PTK2: variants seen among roughly 807,000 people sequenced by gnomAD.
PTK2 encodes the protein protein tyrosine kinase 2.
In PTK2, 45 loss-of-function variants were observed where a neutral mutation model predicts 150.1. The ratio of observed to expected loss-of-function variants is 0.30; its 90% CI spans 0.24 to 0.38. The LOEUF (loss-of-function observed/expected upper bound fraction) is 0.38, where lower values mean the gene tolerates loss of function less well. Ranked by LOEUF, PTK2 falls within the 10% of genes least tolerant of loss-of-function variation. The pLI, the probability that PTK2 is intolerant of heterozygous loss-of-function variation, is 1.00. For missense variants in PTK2, 919 were observed against 1,307.3 expected, an observed-to-expected ratio of 0.70 and a Z score of 4.58; for synonymous variants, 432 against 449.2, an observed-to-expected ratio of 0.96 and a Z score of 0.48.
intron 3 of PTK2, among the ~76,000 whole-genome samples, chr8:140,880,369 G>T (rs1254708319): frequency 6.6e-6 from 1 of 152,178 alleles, no homozygotes; most frequent in African/African-American, 2.4e-5. Flanking sequence ...CAGGTTAAGT[G>T]TTAGAACTGA....
intron 31 of PTK2, among the ~76,000 whole-genome samples, chr8:140,664,091 C>T (rs556021436): frequency 1.3e-5 from 2 of 152,246 alleles, no homozygotes; most frequent in East Asian, 1.9e-4. Context: ...TCAAGTCATT[C>T]TCCTGTCTCA....
At chr8:140,890,079 G>T (rs931454867) in intron 3 of PTK2, among the ~76,000 whole-genome samples, 1 of 152,078 alleles carries the variant, frequency 6.6e-6, no homozygotes, top group Admixed American at 6.6e-5. Context: ...ACTTCACAGG[G>T]ACCTTTTACA....
At chr8:140,819,135 A>C in intron 8 of PTK2, 115 bp from the exon 9 acceptor site, 1 of 1,030,016 alleles carries the variant, frequency 9.7e-7, no homozygotes, top group Non-Finnish European at 1.4e-6. Context: ...CATTCAAATT[A>C]CTGCCAAAAA....
At chr8:140,879,551 C>T in exon 4 of PTK2, 3 of 1,613,786 alleles carry the variant, frequency 1.9e-6, no homozygotes, top group Non-Finnish European at 2.5e-6. Context: ...GCCAGTGAAC[C>T]TCCTCTGACC....
intron 8 of PTK2, among the ~76,000 whole-genome samples, chr8:140,820,368 T>C (rs1026617968): frequency 6.6e-6 from 1 of 151,944 alleles, no homozygotes; most frequent in Non-Finnish European, 1.5e-5. Flanking sequence ...CCGAAAGTGC[T>C]GGGATTATAG....
chr8:140,730,786 T>C (rs144246722), intron 22 of PTK2, among the ~76,000 whole-genome samples: 1 of 152,312 alleles, frequency 6.6e-6, no homozygotes, highest in East Asian at 1.9e-4. Context: ...AAAGCTGATG[T>C]TCTTTTTTAA....
intron 14 of PTK2, among the ~76,000 whole-genome samples, chr8:140,779,276 A>C (rs2100080312): frequency 6.6e-6 from 1 of 151,524 alleles, no homozygotes. Flanking sequence ...AAAAAAAAGA[A>C]GACATGCTGG....
chr8:140,854,916 T>A (rs1490527447), intron 5 of PTK2, among the ~76,000 whole-genome samples: 3 of 152,112 alleles, frequency 2.0e-5, no homozygotes, highest in Non-Finnish European at 4.4e-5. Context: ...TGGGATGGGG[T>A]GGTGGTAGAA....
At chr8:140,946,770 C>T (rs538721366) in intron 1 of PTK2, among the ~76,000 whole-genome samples, 5 of 151,306 alleles carry the variant, frequency 3.3e-5, no homozygotes, top group Admixed American at 6.6e-5. Context: ...TACTCATTTG[C>T]TTATTATTTT....
At chr8:140,839,704 A>C (rs2100121143) in intron 7 of PTK2, among the ~76,000 whole-genome samples, 1 of 152,216 alleles carries the variant, frequency 6.6e-6, no homozygotes, top group African/African-American at 2.4e-5. Flanking sequence ...ATCCAGAGAG[A>C]CAGAGAGATA....
chr8:140,699,570 C>T (rs1027892306), intron 26 of PTK2, among the ~76,000 whole-genome samples: 1 of 152,212 alleles, frequency 6.6e-6, no homozygotes. Flanking sequence ...AGGTTCACAT[C>T]AGTCATAAAT....
Position 140,890,770 on chromosome 8 carries a change from C to A in PTK2, c.-32-1G>T, listed in dbSNP as rs2100153968. The A allele has an allele frequency of 6.2e-7, 1 of 1,612,164 alleles. No individual in the cohort carries two copies. ...CTAGATGCTAGGTATCTGTCATATT[C>A]TGTTAAAAGAACAAAATAATTTTTT... On this transcript the variant is annotated splice_acceptor_variant, in intron 2 of 31. Coordinates refer to ENST00000522684, the Ensembl canonical transcript of PTK2. LOFTEE classifies it low-confidence loss of function (5UTR_SPLICE).
At chr8:140,962,108 C>A (rs1282976465) in intron 1 of PTK2, among the ~76,000 whole-genome samples, 3 of 151,542 alleles carry the variant, frequency 2.0e-5, no homozygotes, top group Non-Finnish European at 4.4e-5. Context: ...TAGCCAGGAG[C>A]TACTCAGGAG....
chr8:140,827,224 A>C (rs2100112305), intron 8 of PTK2, among the ~76,000 whole-genome samples: 1 of 152,116 alleles, frequency 6.6e-6, no homozygotes, highest in South Asian at 2.1e-4. Flanking sequence ...GTGACTGCCC[A>C]CAATGATCCC....
In PTK2 at chr8:140,704,334, T is replaced by C. The variant is rs189803438; in HGVS notation, c.2230-1627A>G. Among the ~76,000 whole-genome samples the C allele has an allele frequency of 3.0e-3, 462 of 152,318 alleles. 2 individuals carry two copies. Among genetic ancestry groups the C allele is most frequent in the Middle Eastern group, 6.8e-3 (2 of 294 alleles). On this transcript the variant is annotated intron_variant, in intron 24 of 31. Transcript: ENST00000522684. ...AAAGGTTAATCATACATTAGTTCAA[T>C]GAAAAAAATCAATGTTTTACTTAAT...
intron 21 of PTK2, among the ~76,000 whole-genome samples, 163 bp downstream of exon 24, chr8:140,738,855 T>C (rs901859591): frequency 6.6e-6 from 1 of 152,198 alleles, no homozygotes; most frequent in African/African-American, 2.4e-5. Context: ...GCACAGTAGA[T>C]GTCAGGCTAT....
chr8:140,850,591 G>T (rs1461341743), intron 5 of PTK2, among the ~76,000 whole-genome samples: 1 of 150,130 alleles, frequency 6.7e-6, no homozygotes, highest in African/African-American at 2.5e-5. Flanking sequence ...TTATCCGGGC[G>T]TGGTGGCAGG....
At chr8:140,967,954 A>AAATACATTAAG (rs1190674889) in intron 1 of PTK2, among the ~76,000 whole-genome samples, 1 of 152,204 alleles carries the variant, frequency 6.6e-6, no homozygotes, top group African/African-American at 2.4e-5. Context: ...GAAAAACCAA[A>AAATACATTAAG]AATACATTAA....
At chr8:140,884,832 G>C (rs1161812564) in intron 3 of PTK2, among the ~76,000 whole-genome samples, 1 of 152,130 alleles carries the variant, frequency 6.6e-6, no homozygotes. Context: ...ACAGTAATTA[G>C]TATTAATCCA....
Sources: gnomAD v4.1 joint callset for allele counts (sites outside exome capture counted in the v4.1 genomes callset) on GRCh38, gnomAD v4.1.1 for gene constraint, MANE v1.5 for transcripts, NCBI Gene and HGNC (gene_info 2026-07-23, HGNC 2026-07-21) for gene names.